The following COG7 variants were observed in gnomAD, a reference collection of about 807,000 sequenced individuals.
The protein encoded by COG7 is component of oligomeric golgi complex 7.
COG7 carries 49 observed loss-of-function variants against 91.5 expected under a neutral mutation model. The observed-to-expected ratio is 0.54, with a 90% CI of 0.43 to 0.68. The LOEUF is 0.68. Ranked by LOEUF, COG7 falls within the 30% of genes least tolerant of loss-of-function variation. COG7 has a pLI of 0.00. For synonymous variants in COG7, 365 were observed against 388.7 expected, an observed-to-expected ratio of 0.94 and a Z score of 0.72; for missense variants, 895 against 961.3, an observed-to-expected ratio of 0.93 and a Z score of 0.91.
intron 3 of COG7, 130 bp from the exon 4 acceptor site, chr16:23,442,775 C>T (rs1481364563): frequency 3.6e-6 from 3 of 822,308 alleles, no homozygotes; most frequent in African/African-American, 1.7e-5. Flanking sequence ...GTGGTTCATG[C>T]CTGTAATCCC....
At chr16:23,402,438 T>A (rs1240963910) in intron 13 of COG7, among the ~76,000 whole-genome samples, 1 of 152,178 alleles carries the variant, frequency 6.6e-6, no homozygotes, top group African/African-American at 2.4e-5. Context: ...AAGTCATTCT[T>A]CTTAAAAATG....
In COG7 at chr16:23,421,793, G is replaced by C. The variant is rs1239174387; in HGVS notation, c.1009+2956C>G. The stretch of plus-strand genomic sequence containing the variant: ...ATGAACCCAGGAGGTGGAGGCTTCA[G>C]TGAGCCGAAATTGTGCCACTGCACT... On this transcript the variant is annotated intron_variant, in intron 7 of 16. Transcript: ENST00000307149. Among the ~76,000 whole-genome samples the C allele has an allele frequency of 2.4e-4, 35 of 148,698 alleles. No homozygotes were observed. The Admixed American group carries it at 2.4e-3, about 10-fold the overall frequency.
chr16:23,431,128 C>T (rs952885563), intron 6 of COG7, among the ~76,000 whole-genome samples: 1 of 152,078 alleles, frequency 6.6e-6, no homozygotes, highest in Non-Finnish European at 1.5e-5. Context: ...GAGCAAAATG[C>T]ACACTGTACA....
At chr16:23,420,709 T>A (rs918461474) in intron 7 of COG7, among the ~76,000 whole-genome samples, 3 of 152,168 alleles carry the variant, frequency 2.0e-5, no homozygotes, top group Non-Finnish European at 4.4e-5. Context: ...AATCTGCACA[T>A]GTATAGAATC....
intron 1 of COG7, chr16:23,446,445 C>CT (rs34254755): frequency 0.018 from 2,008 of 112,788 alleles, 45 homozygotes; most frequent in African/African-American, 0.042. Flanking sequence ...TTTCCATGGT[C>CT]TTTTTTTTTT....
At chr16:23,390,503 G>GC (rs555076880) in intron 16 of COG7, among the ~76,000 whole-genome samples, 28 of 150,436 alleles carry the variant, frequency 1.9e-4, no homozygotes, top group Admixed American at 1.2e-3. Context: ...CGCGCTCAGT[G>GC]CCCCCCCACC....
At chr16:23,416,813 C>T in intron 9 of COG7, 154 bp downstream of exon 9, 2 of 843,592 alleles carry the variant, frequency 2.4e-6, no homozygotes, top group East Asian at 5.4e-5. Flanking sequence ...CCATTACAAA[C>T]AATGCCACTA....
intron 7 of COG7, 80 bp downstream of exon 7, chr16:23,424,669 G>A (rs954595641): frequency 1.4e-6 from 2 of 1,455,832 alleles, no homozygotes; most frequent in East Asian, 2.3e-5. Flanking sequence ...CATCTGAAAA[G>A]GCAAACAAAT....
rs375610949 is a variant in COG7, at chr16:23,413,462, A to G, written c.1395T>C (p.Phe465=). The G allele has an allele frequency of 4.4e-6, 7 of 1,595,128 alleles. No individual in the cohort carries two copies. The African/African-American group carries it at 9.4e-5, about 21-fold the overall frequency. ...CCCCGGTTTACCTAATGGAGTTCTG[A>G]AAAGCCGTCCAATCTTCCTGGAAGA... ...NSLFQEDWTA[F]QNSIRIIATC... The change falls in exon 10 of 17, where the codon TTT becomes TTC. Residue 465 remains phenylalanine (F), a synonymous_variant. Coordinates refer to ENST00000307149, the MANE Select transcript of COG7 (RefSeq NM_153603.4).
At chr16:23,407,345 C>T (rs1963479097) in intron 11 of COG7, among the ~76,000 whole-genome samples, 1 of 152,192 alleles carries the variant, frequency 6.6e-6, no homozygotes, top group Admixed American at 6.5e-5. Context: ...TACTTCCAGT[C>T]TTCACTAGTT....
At chr16:23,398,635 C>G (rs1963323570) in intron 13 of COG7, among the ~76,000 whole-genome samples, 1 of 152,144 alleles carries the variant, frequency 6.6e-6, no homozygotes, top group African/African-American at 2.4e-5. Context: ...GCCCCTCTGG[C>G]TGCAGGAAGA....
At chr16:23,413,744 G>A (rs866380166) in intron 9 of COG7, 180 bp from the exon 10 acceptor site, 5 of 566,484 alleles carry the variant, frequency 8.8e-6, no homozygotes, top group Middle Eastern at 4.8e-4. Flanking sequence ...TCTCTATGTG[G>A]CAAGACTGTC....
At chr16:23,437,764 T>C (rs1412381369) in intron 4 of COG7, among the ~76,000 whole-genome samples, 1 of 152,176 alleles carries the variant, frequency 6.6e-6, no homozygotes, top group Non-Finnish European at 1.5e-5. Flanking sequence ...ACGGTACCTA[T>C]GCACTCAATA....
chr16:23,393,408 G>A (rs747248845), intron 14 of COG7, 61 bp from the exon 15 acceptor site: 33 of 1,316,594 alleles, frequency 2.5e-5, no homozygotes, highest in Non-Finnish European at 3.6e-5. Flanking sequence ...TACTTTATGG[G>A]TACATTTGTG....
In COG7 at chr16:23,453,178, G is replaced by A. The variant is rs1964296083; in HGVS notation, c.-184C>T. 1 of 1,359,040 alleles carries A rather than the reference G, an allele frequency of 7.4e-7. No individual in the cohort carries two copies. The highest frequency in any genetic ancestry group is 9.7e-7 in the Non-Finnish European group (1 of 1,031,396). The allele number at this position is 1,359,040 out of a possible 1,614,324, so 84.2% of individuals were successfully genotyped here. ...GCTCAGCGCACTCAGTTTGCGGCTG[G>A]GAATGACCCTCGCCGCCCGCCGTTC... On this transcript the variant is annotated 5_prime_UTR_variant, in exon 1 of 17. Transcript: ENST00000307149.
intron 4 of COG7, among the ~76,000 whole-genome samples, chr16:23,440,365 T>A: frequency 1.5e-5 from 2 of 137,602 alleles, no homozygotes. Flanking sequence ...AGAATGAGAC[T>A]CCATCTCAAA....
intron 14 of COG7, among the ~76,000 whole-genome samples, chr16:23,395,287 G>A (rs1963268408): frequency 6.6e-6 from 1 of 152,134 alleles, no homozygotes; most frequent in South Asian, 2.1e-4. Flanking sequence ...CAAGGCTGGG[G>A]GAAGAGAAGG....
chr16:23,426,354 G>A (rs1963845818), intron 6 of COG7, among the ~76,000 whole-genome samples: 1 of 152,076 alleles, frequency 6.6e-6, no homozygotes, highest in Non-Finnish European at 1.5e-5. Context: ...GATCAAGTAG[G>A]ATTCACCCAG....
In COG7 at chr16:23,417,031, C is replaced by T. The variant is rs199799595; in HGVS notation, c.1228G>A (p.Val410Ile). 38 of 1,614,100 alleles carry T rather than the reference C, an allele frequency of 2.4e-5. No individual in the cohort carries two copies. In the African/African-American group the frequency reaches 2.7e-4, roughly 11 times the overall value. The stretch of plus-strand genomic sequence containing the variant: ...GTCCCCAGGCCATTGGTGAATCTGA[C>T]GCATCTGTCAACGGCTGCAGACGCC... ...GLASAAVDRC[V>I]RFTNGLGTCG... Residue 410 changes from valine to isoleucine, a missense_variant, in exon 9 of 17, where the codon GTC becomes ATC. Coordinates refer to ENST00000307149, the MANE Select transcript of COG7 (RefSeq NM_153603.4).
Sources: gnomAD v4.1 joint callset for allele counts (sites outside exome capture counted in the v4.1 genomes callset) on GRCh38, gnomAD v4.1.1 for gene constraint, MANE v1.5 for transcripts, NCBI Gene and HGNC (gene_info 2026-07-23, HGNC 2026-07-21) for gene names.